Variants in MDM1 observed in about 807,000 individuals in gnomAD.
The protein encoded by MDM1 is Mdm1 nuclear protein.
In MDM1, 61 loss-of-function variants were observed where a neutral mutation model predicts 89.1. The observed-to-expected ratio is 0.68, with a 90% CI of 0.56 to 0.85. The LOEUF (loss-of-function observed/expected upper bound fraction) is 0.85, where lower values mean the gene tolerates loss of function less well. Ranked by LOEUF, MDM1 falls within the 40% of genes least tolerant of loss-of-function variation. MDM1 has a pLI of 0.00. For missense variants in MDM1, 820 were observed against 846.5 expected (o/e 0.97, Z 0.39); for synonymous variants, 290 against 294.1 (o/e 0.99, Z 0.14).
chr12:68,318,772 T>C (rs1874828034), intron 7 of MDM1, among the ~76,000 whole-genome samples: 1 of 152,232 alleles, frequency 6.6e-6, no homozygotes. Context: ...CAAGTAATGT[T>C]ATCATATTAT....
intron 12 of MDM1, among the ~76,000 whole-genome samples, chr12:68,308,678 G>A (rs1396358515): frequency 6.6e-6 from 1 of 152,180 alleles, no homozygotes; most frequent in African/African-American, 2.4e-5. Context: ...TGAAGGCAGG[G>A]ATTTTGACCT....
At chr12:68,327,102 G>A (rs1876112913) in intron 2 of MDM1, 81 bp from the exon 3 acceptor site, 24 of 1,478,520 alleles carry the variant, frequency 1.6e-5, no homozygotes, top group Non-Finnish European at 2.0e-5. Flanking sequence ...TTGTGGAGGA[G>A]AAATGAAATT....
At chr12:68,325,957 C>CTG (rs1454948704) in intron 3 of MDM1, 1 of 995,458 alleles carries the variant, frequency 1.0e-6, no homozygotes, top group African/African-American at 1.7e-5. Flanking sequence ...ACTCACACAT[C>CTG]ACCTTCCTTG....
At chr12:68,331,043 A>C in intron 2 of MDM1, 64 bp downstream of exon 2, 2 of 925,378 alleles carry the variant, frequency 2.2e-6, no homozygotes, top group Non-Finnish European at 3.5e-6. Context: ...CCCAAGTTAT[A>C]ACGGCTTGGC....
intron 2 of MDM1, among the ~76,000 whole-genome samples, chr12:68,328,530 G>A (rs1876338955): frequency 6.6e-6 from 1 of 152,144 alleles, no homozygotes; most frequent in South Asian, 2.1e-4. Flanking sequence ...CAATATACCA[G>A]AAATTCTATC....
At chr12:68,313,376 CATTT>C (rs1873962806) in intron 12 of MDM1, 63 bp downstream of exon 12, 2 of 1,094,238 alleles carry the variant, frequency 1.8e-6, no homozygotes, top group South Asian at 1.4e-5. Context: ...ACCCATCATT[CATTT>C]ATTACATGTG....
chr12:68,308,456 G>GC (rs1181906376), intron 12 of MDM1, among the ~76,000 whole-genome samples: 4 of 152,092 alleles, frequency 2.6e-5, no homozygotes, highest in Non-Finnish European at 5.9e-5. Context: ...AACAATCTCT[G>GC]CCCCAGATCT....
intron 4 of MDM1, chr12:68,325,035 T>C (rs1269555652): frequency 7.1e-6 from 7 of 979,540 alleles, no homozygotes; most frequent in Non-Finnish European, 8.5e-6. Context: ...ATTTATTAAA[T>C]ATTCAAAGCA....
chr12:68,321,526 C>T lies in MDM1; in HGVS notation c.904G>A (p.Gly302Arg), dbSNP rs778938836. ...ATATTTTCCTATTAAAATACATACC[C>T]AAGCCTTTGATGTTTCCAAGGAGTA... ...KLTPWKHQRLGKVNSEYRAKF... is the reference protein window; with the variant it reads ...KLTPWKHQRLRKVNSEYRAKF... The change falls in exon 6 of 15, where the codon GGG (glycine) becomes AGG (arginine). Residue 302 changes from glycine (G) to arginine (R), a missense_variant and splice_region_variant. Coordinates refer to ENST00000682720, the MANE Select transcript of MDM1 (RefSeq NM_001354969.2). The T allele has an allele frequency of 5.0e-6, 8 of 1,611,776 alleles. No individual in the cohort carries two copies. Among genetic ancestry groups the T allele is most frequent in the Non-Finnish European group, 5.1e-6 (6 of 1,178,564 alleles).
At chr12:68,296,038 A>G (rs1436686317) in intron 14 of MDM1, among the ~76,000 whole-genome samples, 2 of 152,166 alleles carry the variant, frequency 1.3e-5, no homozygotes, top group African/African-American at 2.4e-5. Context: ...AAACGGAAAG[A>G]AAGTCTTTAA....
rs1439001204 is a variant in MDM1, at chr12:68,323,199, A to C, written c.675T>G (p.Gly225=). 1.2e-6 allele frequency: 2 copies of C among 1,600,888 alleles called. No individual in the cohort carries two copies. Among genetic ancestry groups the C allele is most frequent in the Non-Finnish European group, 1.7e-6 (2 of 1,176,202 alleles). ...NKSQFVPPFK[G]NSVIHETEYK... Reference sequence around the variant, plus strand: ...ATTCAGTTTCATGGATGACTGAGTTACCTTTGAATGGTGGAACAAACTGGC... The same window carrying C: ...ATTCAGTTTCATGGATGACTGAGTTCCCTTTGAATGGTGGAACAAACTGGC... The change falls in exon 5 of 15, where the codon GGT becomes GGG. Residue 225 remains glycine (G), a synonymous_variant. Transcript: ENST00000682720.
intron 1 of MDM1, among the ~76,000 whole-genome samples, chr12:68,331,442 T>C (rs1223276510): frequency 6.6e-6 from 1 of 152,216 alleles, no homozygotes; most frequent in African/African-American, 2.4e-5. Flanking sequence ...AGGCAGATGC[T>C]ACCAGGAATT....
At chr12:68,325,094 A>C (rs1875770950) in intron 4 of MDM1, 2 of 954,490 alleles carry the variant, frequency 2.1e-6, no homozygotes, top group Non-Finnish European at 2.5e-6. Flanking sequence ...TTAGTCAACA[A>C]AACACAACAT....
At position 68,315,058 on chromosome 12, in the gene MDM1, C is replaced by G. The variant is rs761653386; in HGVS notation, c.1419G>C (p.Glu473Asp). 4.3e-6 allele frequency: 7 copies of G among 1,613,112 alleles called. No individual in the cohort carries two copies. The highest frequency in any genetic ancestry group is 2.2e-5 in the East Asian group (1 of 44,878). ...VQKQPGEKEE[E>D]DDNEEEGDRK... Reference sequence around the variant, plus strand: ...TGTCCCCTTCCTCTTCATTGTCGTCCTCCTCCTCTTTCTCCCCGGGCTGTT... The same window carrying G: ...TGTCCCCTTCCTCTTCATTGTCGTCGTCCTCCTCTTTCTCCCCGGGCTGTT... The change falls in exon 10 of 15, where the codon GAG becomes GAC. Residue 473 changes from glutamate to aspartate, a missense_variant. By Grantham distance (45) the Glu-to-Asp change is conservative. Coordinates refer to ENST00000682720, the MANE Select transcript of MDM1 (RefSeq NM_001354969.2).
At position 68,332,322 on chromosome 12, in the gene MDM1, T is replaced by A. The variant is rs1001449531; in HGVS notation, c.-77A>T. ...CTCCGAGGGGGCGGGGCGATAACAG[T>A]GTTCCCTAGCAAAGCCTCGGCCCGG... On this transcript the variant is annotated 5_prime_UTR_variant, in exon 1 of 15. Coordinates refer to ENST00000682720, the MANE Select transcript of MDM1 (RefSeq NM_001354969.2). The A allele has an allele frequency of 6.8e-7, 1 of 1,474,730 alleles. No homozygotes were observed. The highest frequency in any genetic ancestry group is 1.4e-5 in the African/African-American group (1 of 70,676). 91.4% of individuals were successfully genotyped at this position (1,474,730 alleles called of 1,614,324 possible).
At chr12:68,317,093 A>T (rs992190311) in intron 7 of MDM1, among the ~76,000 whole-genome samples, 48 of 152,260 alleles carry the variant, frequency 3.2e-4, no homozygotes, top group African/African-American at 1.1e-3. Context: ...CCATAAAATC[A>T]TAATTGCAAT....
At chr12:68,299,264 C>T (rs55816538) in intron 13 of MDM1, among the ~76,000 whole-genome samples, 18,908 of 152,104 alleles carry the variant, frequency 0.12, 1,482 homozygotes, top group Middle Eastern at 0.18. Flanking sequence ...ATCACACTCA[C>T]TCTCCAGTAA....
At position 68,315,123 on chromosome 12, in the gene MDM1, G is replaced by A. The variant is rs1380092411; in HGVS notation, c.1354C>T (p.Leu452=). Residue 452 remains leucine, a synonymous_variant, in exon 10 of 15, where the codon CTG becomes TTG. Transcript: ENST00000682720. The part of the protein sequence containing the change: ...SAPTIPVRRR[L]AWDTENTSED... ...CTTGTGTTCTCTGTATCCCAAGCCAGCCGCCTTCTAACGGGTATGGTGGGA... is the reference window on the plus strand; with the variant it reads ...CTTGTGTTCTCTGTATCCCAAGCCAACCGCCTTCTAACGGGTATGGTGGGA... 1.2e-6 allele frequency: 2 copies of A among 1,613,962 alleles called. No homozygotes were observed. The highest frequency in any genetic ancestry group is 3.3e-5 in the Admixed American group (2 of 59,984).
intron 9 of MDM1, 55 bp from the exon 10 acceptor site, chr12:68,315,320 C>A: frequency 1.3e-6 from 2 of 1,516,138 alleles, no homozygotes; most frequent in South Asian, 2.5e-5. Context: ...CTTTTCTAAT[C>A]AACACCAATT....
Sources: allele counts gnomAD v4.1 joint callset (sites outside exome capture counted in the v4.1 genomes callset), GRCh38; gene constraint gnomAD v4.1.1; transcripts MANE v1.5; gene names NCBI Gene and HGNC (gene_info 2026-07-23, HGNC 2026-07-21).